The following ASCC3 variants were observed in gnomAD, a reference collection of about 807,000 sequenced individuals.
ASCC3 encodes the protein ASC-1 complex subunit P200.
Under a neutral mutation model 256.3 loss-of-function variants are expected in ASCC3, and 158 were observed. The ratio of observed to expected loss-of-function variants is 0.62; its 90% CI spans 0.54 to 0.70. The LOEUF (loss-of-function observed/expected upper bound fraction) is 0.70. ASCC3 is among the 30% of genes least tolerant of loss of function. The probability of loss-of-function intolerance (pLI) is 0.00; values close to 1 mark genes in which losing one functional copy is unlikely to be tolerated. For synonymous variants in ASCC3, 948 were observed against 883.4 expected (o/e 1.07, Z -1.30); for missense variants, 2,259 against 2,626.0 (o/e 0.86, Z 3.05).
chr6:100,540,052 A>C (rs1325161864), intron 37 of ASCC3, 111 bp downstream of exon 37: 14 of 951,912 alleles, frequency 1.5e-5, no homozygotes, highest in Admixed American at 7.7e-5. Context: ...GTTTCTCAAC[A>C]ATGCTACCAT....
intron 4 of ASCC3, among the ~76,000 whole-genome samples, chr6:100,829,073 T>G (rs1290766706): frequency 1.3e-5 from 2 of 152,058 alleles, no homozygotes; most frequent in Non-Finnish European, 2.9e-5. Flanking sequence ...CCAGAGTAGC[T>G]AGATACAGAG....
chr6:100,516,936 G>T (rs1024718128), intron 38 of ASCC3, among the ~76,000 whole-genome samples: 2 of 151,988 alleles, frequency 1.3e-5, no homozygotes, highest in Non-Finnish European at 2.9e-5. Context: ...TGTGCTACGT[G>T]TGGTAGTACC....
intron 36 of ASCC3, among the ~76,000 whole-genome samples, chr6:100,587,492 C>T (rs7755099): frequency 0.014 from 2,146 of 152,218 alleles, 42 homozygotes; most frequent in African/African-American, 0.049. Context: ...ATCTCCTTGT[C>T]AATGTGAGTC....
At chr6:100,797,629 G>A (rs1436522618) in intron 8 of ASCC3, among the ~76,000 whole-genome samples, 1 of 151,834 alleles carries the variant, frequency 6.6e-6, no homozygotes. Flanking sequence ...TGGCTGTATT[G>A]TAGAATCACC....
chr6:100,797,675 T>C (rs906850092), intron 8 of ASCC3, among the ~76,000 whole-genome samples: 2 of 152,038 alleles, frequency 1.3e-5, no homozygotes, highest in Non-Finnish European at 2.9e-5. Flanking sequence ...AAAATATTGA[T>C]ACGTGGACCT....
At chr6:100,691,020 T>C (rs542521742) in intron 13 of ASCC3, among the ~76,000 whole-genome samples, 3 of 152,290 alleles carry the variant, frequency 2.0e-5, no homozygotes, top group East Asian at 3.9e-4. Context: ...TTAACTGCTA[T>C]ATTTTATTAA....
chr6:100,532,481 C>T (rs1387651628), intron 37 of ASCC3, among the ~76,000 whole-genome samples: 1 of 144,712 alleles, frequency 6.9e-6, no homozygotes, highest in African/African-American at 2.5e-5. Context: ...TTTCTCTGTT[C>T]ACTTACTGAC....
At chr6:100,568,122 C>A (rs899402197) in intron 36 of ASCC3, among the ~76,000 whole-genome samples, 4 of 151,890 alleles carry the variant, frequency 2.6e-5, no homozygotes, top group Non-Finnish European at 5.9e-5. Flanking sequence ...AAACCTAGCA[C>A]TTTGGGAGGC....
At chr6:100,733,447 C>G (rs377681799) in intron 10 of ASCC3, among the ~76,000 whole-genome samples, 57 of 152,160 alleles carry the variant, frequency 3.7e-4, no homozygotes, top group Admixed American at 1.5e-3. Flanking sequence ...AACTGGCAGT[C>G]AAAAAGAGCC....
At chr6:100,821,992 G>A (rs1389521744) in intron 4 of ASCC3, among the ~76,000 whole-genome samples, 1 of 152,074 alleles carries the variant, frequency 6.6e-6, no homozygotes, top group African/African-American at 2.4e-5. Flanking sequence ...TAGATAATTG[G>A]TTCACTAAGG....
At chr6:100,555,641 G>A (rs1244424211) in intron 36 of ASCC3, among the ~76,000 whole-genome samples, 1 of 152,084 alleles carries the variant, frequency 6.6e-6, no homozygotes, top group Non-Finnish European at 1.5e-5. Context: ...GCCCTTTGAT[G>A]AAACTTGAAA....
At position 100,881,196 on chromosome 6, in the gene ASCC3, G is replaced by GT. The variant is rs1769296830; in HGVS notation, c.-178dup. 1.3e-5 allele frequency: 2 copies of GT among 152,358 alleles called. No individual in the cohort carries two copies. Among genetic ancestry groups the GT allele is most frequent in the Non-Finnish European group, 2.9e-5 (2 of 68,138 alleles). 9.4% of individuals were successfully genotyped at this position (152,358 alleles called of 1,614,324 possible). A position where few individuals can be genotyped will look rare whatever the true frequency, so the allele number is the denominator to read the frequency against. ...GGGCCAAAGATGCGAGCGGGCAGCTGTATCGCCGCGCCCCGTCCGCCCTCC... is the reference window on the plus strand; with the variant it reads ...GGGCCAAAGATGCGAGCGGGCAGCTGTTATCGCCGCGCCCCGTCCGCCCTCC... On this transcript the variant is annotated 5_prime_UTR_variant, in exon 1 of 42. Transcript: ENST00000369162.
chr6:100,793,000 C>T (rs2114310729), intron 8 of ASCC3, among the ~76,000 whole-genome samples: 1 of 152,016 alleles, frequency 6.6e-6, no homozygotes, highest in African/African-American at 2.4e-5. Flanking sequence ...TTCATTTATG[C>T]TATTCAGCTA....
At chr6:100,585,629 G>C in intron 36 of ASCC3, among the ~76,000 whole-genome samples, 1 of 152,208 alleles carries the variant, frequency 6.6e-6, no homozygotes, top group East Asian at 1.9e-4. Flanking sequence ...GTGAGGAACT[G>C]TGTTCCTTTG....
intron 24 of ASCC3, among the ~76,000 whole-genome samples, chr6:100,640,315 T>G (rs560667659): frequency 1.3e-5 from 2 of 152,206 alleles, no homozygotes; most frequent in Non-Finnish European, 2.9e-5. Flanking sequence ...AAGGTTTTTC[T>G]TGGCTCATTT....
In ASCC3 at chr6:100,611,497, T is replaced by C. The variant is rs1163722979; in HGVS notation, c.4786-4409A>G. Among the ~76,000 whole-genome samples, 10 of 152,080 alleles carry C rather than the reference T, an allele frequency of 6.6e-5. No individual in the cohort carries two copies. The East Asian group carries it at 1.9e-3, about 29-fold the overall frequency. ...CTTAGGATAATGAAAGTTTAAAACATGACAATAGATATAATTTGTTGAGCA... is the reference window on the plus strand; with the variant it reads ...CTTAGGATAATGAAAGTTTAAAACACGACAATAGATATAATTTGTTGAGCA... On this transcript the variant is annotated intron_variant, in intron 30 of 41. Transcript: ENST00000369162.
At chr6:100,797,630 T>C (rs1769696602) in intron 8 of ASCC3, among the ~76,000 whole-genome samples, 1 of 152,086 alleles carries the variant, frequency 6.6e-6, no homozygotes, top group Non-Finnish European at 1.5e-5. Context: ...GGCTGTATTG[T>C]AGAATCACCC....
intron 13 of ASCC3, among the ~76,000 whole-genome samples, chr6:100,690,695 A>G (rs1474777225): frequency 6.6e-6 from 1 of 152,132 alleles, no homozygotes; most frequent in Non-Finnish European, 1.5e-5. Context: ...TAGCTATATA[A>G]GACTGTATAA....
intron 14 of ASCC3, among the ~76,000 whole-genome samples, chr6:100,667,085 G>A (rs1349310068): frequency 6.6e-6 from 1 of 152,152 alleles, no homozygotes; most frequent in African/African-American, 2.4e-5. Context: ...ACATGATATT[G>A]TCATTTATGA....
Sources: allele counts gnomAD v4.1 joint callset (sites outside exome capture counted in the v4.1 genomes callset), GRCh38; gene constraint gnomAD v4.1.1; transcripts MANE v1.5; gene names NCBI Gene and HGNC (gene_info 2026-07-23, HGNC 2026-07-21).